The following EYS variants were observed in gnomAD, a reference collection of about 807,000 sequenced individuals.
EYS encodes protein eyes shut homolog.
A neutral mutation model predicts 282.1 loss-of-function variants in EYS; 250 were observed. The observed-to-expected ratio is 0.89, with a 90% CI of 0.80 to 0.98. The LOEUF (loss-of-function observed/expected upper bound fraction) is 0.98, where lower values mean the gene tolerates loss of function less well. EYS is among the 50% of genes least tolerant of loss of function. EYS has a pLI of 0.00. For missense variants in EYS, 4,016 were observed against 3,709.0 expected (o/e 1.08, Z -2.15); for synonymous variants, 1,355 against 1,282.9 (o/e 1.06, Z -1.20).
At chr6:65,114,024 T>C (rs2150190845) in intron 12 of EYS, among the ~76,000 whole-genome samples, 1 of 152,082 alleles carries the variant, frequency 6.6e-6, no homozygotes, top group South Asian at 2.1e-4. Context: ...TGACCTTATT[T>C]GTAATATCTC....
intron 12 of EYS, among the ~76,000 whole-genome samples, chr6:65,217,266 C>G (rs1233361115): frequency 6.6e-6 from 1 of 151,910 alleles, no homozygotes; most frequent in Non-Finnish European, 1.5e-5. Context: ...TTGTTTTAAC[C>G]TGAATAAATT....
At chr6:64,882,191 G>C (rs11963602) in intron 19 of EYS, among the ~76,000 whole-genome samples, 2 of 151,586 alleles carry the variant, frequency 1.3e-5, no homozygotes, top group East Asian at 3.9e-4. Flanking sequence ...TCTCCATTGC[G>C]TCCAGATTAA....
chr6:64,559,107 C>A (rs1765321789), intron 26 of EYS, among the ~76,000 whole-genome samples: 1 of 152,126 alleles, frequency 6.6e-6, no homozygotes, highest in Admixed American at 6.6e-5. Context: ...CTCCCTAATT[C>A]TGTTCATGTT....
chr6:63,903,299 C>G (rs1181887835), intron 35 of EYS, among the ~76,000 whole-genome samples: 1 of 151,996 alleles, frequency 6.6e-6, no homozygotes, highest in Non-Finnish European at 1.5e-5. Context: ...GGTCATCAAG[C>G]TGGAGATTCA....
chr6:64,255,307 C>T (rs1767353843), intron 30 of EYS, among the ~76,000 whole-genome samples: 2 of 152,140 alleles, frequency 1.3e-5, no homozygotes, highest in South Asian at 2.1e-4. Context: ...TACTCAGATC[C>T]TCACTAGAAA....
In EYS at chr6:65,602,184, TAA is replaced by T. The variant is rs558211259; in HGVS notation, c.-333+37592_-333+37593del. Among the ~76,000 whole-genome samples the T allele has an allele frequency of 8.9e-4, 135 of 152,008 alleles. 1 individual carries two copies. Among genetic ancestry groups the T allele is most frequent in the Non-Finnish European group, 1.6e-3 (109 of 67,876 alleles). On this transcript the variant is annotated intron_variant, in intron 2 of 42. Transcript: ENST00000503581. ...TTATATTTTCCATTCCTCCAAAACT[TAA>T]AATTAAGTAGTGAGTCACTGATTCA...
At chr6:64,209,704 T>G (rs778853370) in intron 31 of EYS, among the ~76,000 whole-genome samples, 1 of 152,298 alleles carries the variant, frequency 6.6e-6, no homozygotes, top group African/African-American at 2.4e-5. Context: ...GAACAGCTCT[T>G]GTTCTTAAAT....
intron 2 of EYS, among the ~76,000 whole-genome samples, chr6:65,498,009 T>C (rs1157821237): frequency 6.6e-6 from 1 of 151,926 alleles, no homozygotes; most frequent in Admixed American, 6.6e-5. Flanking sequence ...GAAGACTAAT[T>C]AGTACAGAGG....
intron 2 of EYS, among the ~76,000 whole-genome samples, chr6:65,507,032 T>A (rs1766686161): frequency 6.6e-6 from 1 of 152,162 alleles, no homozygotes; most frequent in African/African-American, 2.4e-5. Flanking sequence ...TCCTTCTCTG[T>A]CTTCCTTTCC....
chr6:64,689,568 T>C (rs1231107312), intron 22 of EYS, among the ~76,000 whole-genome samples: 1 of 152,086 alleles, frequency 6.6e-6, no homozygotes, highest in Non-Finnish European at 1.5e-5. Flanking sequence ...ACTACCTGAC[T>C]TCACACTATA....
At chr6:65,232,728 A>G (rs1212555717) in intron 12 of EYS, among the ~76,000 whole-genome samples, 1 of 152,070 alleles carries the variant, frequency 6.6e-6, no homozygotes, top group Non-Finnish European at 1.5e-5. Flanking sequence ...AGAATACATT[A>G]TACTATTTCC....
chr6:64,105,268 C>G (rs1772969925), intron 31 of EYS, among the ~76,000 whole-genome samples: 1 of 152,060 alleles, frequency 6.6e-6, no homozygotes, highest in African/African-American at 2.4e-5. Context: ...GCAATGCTCT[C>G]AAAAGCACTA....
chr6:64,373,413 G>A (rs1317683919), intron 29 of EYS, among the ~76,000 whole-genome samples: 1 of 152,200 alleles, frequency 6.6e-6, no homozygotes, highest in Non-Finnish European at 1.5e-5. Context: ...GCTGCTGTTG[G>A]CAGACAAGCT....
chr6:64,596,743 A>G (rs1045230245), intron 24 of EYS, among the ~76,000 whole-genome samples: 24 of 152,208 alleles, frequency 1.6e-4, no homozygotes, highest in Non-Finnish European at 2.2e-4. Context: ...TAAGACCCCA[A>G]GCTATAAAAC....
chr6:64,886,971 T>C, intron 18 of EYS, 129 bp from the exon 19 acceptor site: 1 of 657,442 alleles, frequency 1.5e-6, no homozygotes, highest in Non-Finnish European at 2.3e-6. Context: ...TGTATTTCAT[T>C]TTTTTCTTTG....
At chr6:64,908,793 T>A (rs1275695471) in intron 16 of EYS, among the ~76,000 whole-genome samples, 1 of 151,890 alleles carries the variant, frequency 6.6e-6, no homozygotes, top group Admixed American at 6.6e-5. Flanking sequence ...GTGCAAAAGT[T>A]AAAGTGAAGA....
chr6:65,060,573 G>A (rs944733638), intron 12 of EYS, among the ~76,000 whole-genome samples: 2 of 151,696 alleles, frequency 1.3e-5, no homozygotes, highest in African/African-American at 4.8e-5. Flanking sequence ...TCTTACCCAA[G>A]TAACCACAAT....
rs547113543 is a variant in EYS at position 63,770,653 on chromosome 6, T to A, written c.7898+7353A>T. ...TCCTGTGTGGATGACTTAATTCATA[T>A]AAAATTGCTTTCCTTTATGGCTTAT... is the stretch of plus-strand genomic sequence containing the variant. On this transcript the variant is annotated intron_variant, in intron 40 of 42. Coordinates refer to ENST00000503581, the MANE Select transcript of EYS (RefSeq NM_001142800.2). Among the ~76,000 whole-genome samples the A allele has an allele frequency of 8.5e-5, 13 of 152,320 alleles. No homozygotes were observed. The East Asian group carries it at 2.3e-3, about 27-fold the overall frequency.
intron 26 of EYS, among the ~76,000 whole-genome samples, chr6:64,454,119 T>C (rs1483102463): frequency 6.6e-6 from 1 of 152,100 alleles, no homozygotes; most frequent in Non-Finnish European, 1.5e-5. Context: ...GAGTACCAAT[T>C]ATTCTAGGAT....
Sources: allele counts gnomAD v4.1 joint callset (sites outside exome capture counted in the v4.1 genomes callset), GRCh38; gene constraint gnomAD v4.1.1; transcripts MANE v1.5; gene names NCBI Gene and HGNC (gene_info 2026-07-23, HGNC 2026-07-21).